Variants in UBR2 observed in about 807,000 individuals in gnomAD.
The protein encoded by UBR2 is E3 ubiquitin-protein ligase UBR2.
UBR2 carries 92 observed loss-of-function variants against 247.9 expected under a neutral mutation model. That is an observed-to-expected ratio of 0.37 (90% CI 0.31 to 0.44). The LOEUF (loss-of-function observed/expected upper bound fraction) is 0.44. Ranked by LOEUF, UBR2 falls within the 20% of genes least tolerant of loss-of-function variation. UBR2 has a pLI of 1.00. For missense variants in UBR2, 1,613 were observed against 2,112.6 expected, an observed-to-expected ratio of 0.76 and a Z score of 4.64; for synonymous variants, 672 against 693.5, an observed-to-expected ratio of 0.97 and a Z score of 0.49.
At chr6:42,662,980 T>C (rs1191062650) in intron 31 of UBR2, among the ~76,000 whole-genome samples, 6 of 151,748 alleles carry the variant, frequency 4.0e-5, no homozygotes, top group Admixed American at 1.3e-4. Context: ...CCACCAGCCT[T>C]GGGGAAGTGG....
intron 36 of UBR2, among the ~76,000 whole-genome samples, chr6:42,671,435 A>C (rs935087410): frequency 3.5e-4 from 53 of 151,938 alleles, no homozygotes; most frequent in Non-Finnish European, 2.6e-4. Flanking sequence ...GAAGAAGAAG[A>C]AGCAGAAGAA....
chr6:42,659,656 C>T lies in UBR2; in HGVS notation c.3243C>T (p.Ser1081=). 6.2e-7 allele frequency: 1 copy of T among 1,613,066 alleles called. No individual in the cohort carries two copies. The highest frequency in any genetic ancestry group is 8.5e-7 in the Non-Finnish European group (1 of 1,179,490). ...DASTSAVLDH[S]PVASDMTLTA... ...TATATTCATAACCTTTGTATTGCAGCCCTGTGGCTTCAGATATGACACTTA... is the reference window on the plus strand; with the variant it reads ...TATATTCATAACCTTTGTATTGCAGTCCTGTGGCTTCAGATATGACACTTA... Residue 1081 remains serine (S), a splice_region_variant and synonymous_variant, in exon 30 of 47, where the codon AGC becomes AGT. Transcript: ENST00000372901. This position sits in a 1 kb window ranked among gnomAD's most constrained non-coding sequence, Gnocchi z 4.3.
intron 8 of UBR2, among the ~76,000 whole-genome samples, chr6:42,612,779 T>C (rs1794175859): frequency 6.6e-6 from 1 of 152,216 alleles, no homozygotes; most frequent in African/African-American, 2.4e-5. Flanking sequence ...TGAAAATTTG[T>C]AAATTGGAAG....
chr6:42,589,442 A>G (rs953192238), intron 2 of UBR2, among the ~76,000 whole-genome samples: 3 of 152,178 alleles, frequency 2.0e-5, no homozygotes, highest in African/African-American at 7.2e-5. Flanking sequence ...TGTTATTTTC[A>G]TGAAAGAGAT....
chr6:42,600,761 G>C (rs369890351), intron 4 of UBR2, among the ~76,000 whole-genome samples: 44 of 151,856 alleles, frequency 2.9e-4, no homozygotes, highest in African/African-American at 9.9e-4. Context: ...GCCTCCACCT[G>C]TCAGGCTCAA....
intron 18 of UBR2, among the ~76,000 whole-genome samples, 183 bp downstream of exon 18, chr6:42,642,664 C>T (rs527972243): frequency 2.0e-5 from 3 of 152,310 alleles, no homozygotes; most frequent in African/African-American, 4.8e-5. Context: ...TTCCTAGACA[C>T]ACTTCATATT....
Position 42,652,481 on chromosome 6 carries a change from G to GT in UBR2, c.2615-9dup. 1.3e-6 allele frequency: 2 copies of GT among 1,591,878 alleles called. No individual in the cohort carries two copies. Among genetic ancestry groups the GT allele is most frequent in the Non-Finnish European group, 1.7e-6 (2 of 1,174,062 alleles). Reference sequence around the variant, plus strand: ...GTAAAAGAAACCAATAATAACAACTGTATTTTCAGCACTCCCACCTCCGGT... The same window carrying GT: ...GTAAAAGAAACCAATAATAACAACTGTTATTTTCAGCACTCCCACCTCCGGT... On this transcript the variant is annotated splice_polypyrimidine_tract_variant and intron_variant, in intron 24 of 46. Transcript: ENST00000372901.
intron 11 of UBR2, among the ~76,000 whole-genome samples, 169 bp from the exon 12 acceptor site, chr6:42,632,383 T>G (rs1379687821): frequency 6.6e-6 from 1 of 152,050 alleles, no homozygotes; most frequent in Non-Finnish European, 1.5e-5. Context: ...CACATGGCAA[T>G]TGGAGTAAGT....
chr6:42,649,405 A>G (rs1301767531), intron 22 of UBR2, among the ~76,000 whole-genome samples: 2 of 152,238 alleles, frequency 1.3e-5, no homozygotes, highest in Middle Eastern at 3.4e-3. Flanking sequence ...AATATTGAAA[A>G]TCCTTGTACA....
intron 1 of UBR2, among the ~76,000 whole-genome samples, chr6:42,571,392 T>TA (rs995554102): frequency 1.1e-4 from 16 of 151,904 alleles, no homozygotes; most frequent in East Asian, 1.9e-4. Flanking sequence ...CAATATGTTG[T>TA]AAAAAAAAGT....
chr6:42,594,300 A>G lies in UBR2; in HGVS notation c.527A>G (p.Glu176Gly). The G allele has an allele frequency of 6.2e-7, 1 of 1,603,542 alleles. No homozygotes were observed. Among genetic ancestry groups the G allele is most frequent in the Admixed American group, 1.7e-5 (1 of 58,872 alleles). Reference sequence around the variant, plus strand: ...CTTAACACCTCTGAAATTGAGGAAGAAGAGGTAAAAACATTTTCACAAAGT... The same window carrying G: ...CTTAACACCTCTGAAATTGAGGAAGGAGAGGTAAAAACATTTTCACAAAGT... ...HELNTSEIEE[E>G]EDPLVHLSED... Residue 176 changes from glutamate (E) to glycine (G), a missense_variant, in exon 4 of 47, where the codon GAA becomes GGA. By Grantham distance (98) the Glu-to-Gly change is moderately conservative. This residue lies in a region of UBR2 where 1,524 missense variants were observed against 1,967.3 expected (regional missense o/e 0.77). Transcript: ENST00000372901.
At position 42,674,131 on chromosome 6, in the gene UBR2, G is replaced by C. The variant is rs1342435096; in HGVS notation, c.4189G>C (p.Val1397Leu). The C allele has an allele frequency of 6.2e-7, 1 of 1,613,614 alleles. No homozygotes were observed. Among genetic ancestry groups the C allele is most frequent in the Non-Finnish European group, 8.5e-7 (1 of 1,179,818 alleles). Residue 1397 changes from valine (V) to leucine (L), a missense_variant, in exon 38 of 47, where the codon GTG (valine) becomes CTG (leucine). Val to Leu is a conservative substitution (Grantham distance 32). Around this residue, in one of 3 missense-constraint regions of UBR2, gnomAD observed 1,524 missense variants for 1,967.3 expected, o/e 0.77. Transcript: ENST00000372901. ...ATTTCTCTTTAAATCTGTAGCACTG[G>C]TGCCTAATGACAGCCATGAGGAACT... Reference protein sequence around the residue: ...GHFCKLFASLVPNDSHEELPC... With the variant: ...GHFCKLFASLLPNDSHEELPC...
intron 30 of UBR2, among the ~76,000 whole-genome samples, chr6:42,661,067 G>T (rs1797772961): frequency 6.6e-6 from 1 of 151,760 alleles, no homozygotes; most frequent in Non-Finnish European, 1.5e-5. Context: ...GCCAAGGCAG[G>T]CAGATCACAA....
intron 11 of UBR2, among the ~76,000 whole-genome samples, chr6:42,627,439 C>T (rs1582579724): frequency 6.6e-6 from 1 of 152,000 alleles, no homozygotes; most frequent in African/African-American, 2.4e-5. Context: ...CAGTCTGGTT[C>T]CCAAGCAAGG....
chr6:42,606,456 G>A (rs964769318), intron 6 of UBR2, 133 bp from the exon 7 acceptor site: 9 of 712,100 alleles, frequency 1.3e-5, no homozygotes, highest in Non-Finnish European at 2.0e-5. Context: ...ACTTATCAAT[G>A]AGTAGGATGA....
At chr6:42,671,507 C>T (rs528885172) in intron 36 of UBR2, among the ~76,000 whole-genome samples, 3 of 152,134 alleles carry the variant, frequency 2.0e-5, no homozygotes, top group Non-Finnish European at 4.4e-5. Flanking sequence ...AGTTTGGCTC[C>T]ACTTCTAACA....
At chr6:42,637,775 GTC>G (rs1796192139) in intron 15 of UBR2, among the ~76,000 whole-genome samples, 1 of 152,186 alleles carries the variant, frequency 6.6e-6, no homozygotes, top group African/African-American at 2.4e-5. Context: ...TTGGTAGAAT[GTC>G]TGAAGCTGCC....
At chr6:42,621,333 G>A (rs974155072) in intron 11 of UBR2, among the ~76,000 whole-genome samples, 3 of 152,160 alleles carry the variant, frequency 2.0e-5, no homozygotes, top group Admixed American at 2.0e-4. Context: ...ACCTTTATAT[G>A]TGTGTGTCTG....
At chr6:42,614,193 A>G (rs866051539) in intron 8 of UBR2, among the ~76,000 whole-genome samples, 1 of 69,238 alleles carries the variant, frequency 1.4e-5, no homozygotes, top group African/African-American at 5.4e-5. Context: ...AAAAAAAAAA[A>G]AAAAAAAAAA....
Sources: gnomAD v4.1 joint callset for allele counts (sites outside exome capture counted in the v4.1 genomes callset) on GRCh38, gnomAD v4.1.1 for gene constraint, gnomAD v4.1.1 regional missense constraint, Gnocchi (gnomAD v3.1) non-coding constraint, MANE v1.5 for transcripts, NCBI Gene and HGNC (gene_info 2026-07-23, HGNC 2026-07-21) for gene names.